The following KDM4A variants were observed in gnomAD, a reference collection of about 807,000 sequenced individuals.
KDM4A encodes lysine-specific demethylase 4A.
In KDM4A, 23 loss-of-function variants were observed where a neutral mutation model predicts 127.1. That is an observed-to-expected ratio of 0.18 (90% confidence interval 0.13 to 0.26). KDM4A has a LOEUF of 0.26. KDM4A is among the 10% of genes least tolerant of loss of function. The pLI is 1.00. For missense variants in KDM4A, 890 were observed against 1,329.1 expected (o/e 0.67, Z 5.14); for synonymous variants, 443 against 466.5 (o/e 0.95, Z 0.65).
Position 43,671,600 on chromosome 1 carries a change from G to C in KDM4A, c.1459G>C (p.Asp487His), listed in dbSNP as rs1660619257. 1 of 1,612,732 alleles carries C rather than the reference G, an allele frequency of 6.2e-7. No individual in the cohort carries two copies. The highest frequency in any genetic ancestry group is 8.5e-7 in the Non-Finnish European group (1 of 1,179,488). ...GGAAGAACAAGCAGCAGCTGCCTTG[G>C]ATCTTTCTGTGAATCCTGCGTCTGT... ...EEEEQAAAAL[D>H]LSVNPASVGG... Residue 487 changes from aspartate (D) to histidine (H), a missense_variant, in exon 11 of 22, where the codon GAT becomes CAT. Coordinates refer to ENST00000372396, the MANE Select transcript of KDM4A (RefSeq NM_014663.3).
In KDM4A at chr1:43,694,403, C is replaced by T. The variant is rs1251310412; in HGVS notation, c.2484+301C>T. The stretch of plus-strand genomic sequence containing the variant: ...TGGTGGTGCGCACCTATAATCCCAG[C>T]TCCTCGGGAATCTGAGGCAGGAGAA... On this transcript the variant is annotated intron_variant, in intron 17 of 21. Coordinates refer to ENST00000372396, the MANE Select transcript of KDM4A (RefSeq NM_014663.3). This position sits in a 1 kb window ranked among gnomAD's most constrained non-coding sequence, Gnocchi z 5.2. Among the ~76,000 whole-genome samples, 1 of 152,002 alleles carries T rather than the reference C, an allele frequency of 6.6e-6. No individual in the cohort carries two copies. The highest frequency in any genetic ancestry group is 2.4e-5 in the African/African-American group (1 of 41,374).
At chr1:43,654,826 TCTTA>T (rs1210597805) in intron 2 of KDM4A, among the ~76,000 whole-genome samples, 5 of 151,238 alleles carry the variant, frequency 3.3e-5, no homozygotes, top group Admixed American at 1.3e-4. Context: ...AGCAGATCTA[TCTTA>T]CTTAACTATT....
intron 1 of KDM4A, among the ~76,000 whole-genome samples, chr1:43,651,565 C>T (rs967153964): frequency 1.1e-4 from 17 of 152,170 alleles, no homozygotes; most frequent in African/African-American, 4.1e-4. Context: ...ATTGGAGGCG[C>T]TTTTCTCCTT....
intron 11 of KDM4A, among the ~76,000 whole-genome samples, chr1:43,682,025 G>C (rs1009382034): frequency 6.6e-6 from 1 of 152,200 alleles, no homozygotes; most frequent in Non-Finnish European, 1.5e-5. Context: ...CTGGAGTGCA[G>C]TGGTGCAGTC....
intron 4 of KDM4A, among the ~76,000 whole-genome samples, chr1:43,661,772 C>G (rs925003825): frequency 4.6e-5 from 7 of 151,836 alleles, no homozygotes; most frequent in African/African-American, 1.7e-4. Context: ...TAATACAGGA[C>G]CTAGTTATGG....
At chr1:43,673,026 C>T (rs747337747) in intron 11 of KDM4A, among the ~76,000 whole-genome samples, 5 of 152,140 alleles carry the variant, frequency 3.3e-5, no homozygotes, top group Non-Finnish European at 5.9e-5. Context: ...ATTCCCAAAG[C>T]TATAAACACG....
Position 43,693,802 on chromosome 1 carries a change from TG to T in KDM4A, c.2376-187del, listed in dbSNP as rs1481421355. On this transcript the variant is annotated intron_variant, in intron 16 of 21. Transcript: ENST00000372396. The surrounding 1 kb of genome is among the most constrained non-coding windows in gnomAD (Gnocchi z 4.2). ...AGTGGGCAGTGGCCTAGGTGGGCAGTGGGGGTGGCACTGCTTCCACATACTC... is the reference window on the plus strand; with the variant it reads ...AGTGGGCAGTGGCCTAGGTGGGCAGTGGGGTGGCACTGCTTCCACATACTC... Among the ~76,000 whole-genome samples, 2 of 152,148 alleles carry T rather than the reference TG, an allele frequency of 1.3e-5. No individual in the cohort carries two copies. The highest frequency in any genetic ancestry group is 4.8e-5 in the African/African-American group (2 of 41,436).
intron 4 of KDM4A, among the ~76,000 whole-genome samples, chr1:43,661,058 T>C (rs1660364043): frequency 1.3e-5 from 2 of 151,600 alleles, no homozygotes; most frequent in Non-Finnish European, 2.9e-5. Context: ...TACCGCAACC[T>C]CCGCCTCCCG....
At chr1:43,654,220 A>C (rs1338314946) in intron 2 of KDM4A, among the ~76,000 whole-genome samples, 3 of 152,176 alleles carry the variant, frequency 2.0e-5, no homozygotes, top group Non-Finnish European at 1.5e-5. Context: ...ATTAGATTTA[A>C]AGTTACCAAA....
chr1:43,667,053 A>G lies in KDM4A; in HGVS notation c.877A>G (p.Thr293Ala). Reference protein sequence around the residue: ...FNCAESTNFATRRWIEYGKQA... With the variant: ...FNCAESTNFAARRWIEYGKQA... ...CTGTGCGGAGTCTACCAATTTTGCT[A>G]CCCGTCGGTGGATTGAGTACGGCAA... is the stretch of plus-strand genomic sequence containing the variant. Residue 293 changes from threonine (T) to alanine (A), a missense_variant, in exon 8 of 22, where the codon ACC becomes GCC. Around this residue, in one of 7 missense-constraint regions of KDM4A, gnomAD observed 141 missense variants for 273.5 expected, o/e 0.52. Coordinates refer to ENST00000372396, the MANE Select transcript of KDM4A (RefSeq NM_014663.3). 6.2e-7 allele frequency: 1 copy of G among 1,614,138 alleles called. No individual in the cohort carries two copies. Among genetic ancestry groups the G allele is most frequent in the Non-Finnish European group, 8.5e-7 (1 of 1,180,034 alleles).
intron 11 of KDM4A, among the ~76,000 whole-genome samples, chr1:43,681,875 G>A (rs1365945461): frequency 6.6e-6 from 1 of 151,824 alleles, no homozygotes; most frequent in Non-Finnish European, 1.5e-5. Context: ...ATATAGGTTG[G>A]GGGTACATGC....
chr1:43,690,862 T>C lies in KDM4A; in HGVS notation c.2055T>C (p.Phe685=). The change falls in exon 14 of 22, where the codon TTT becomes TTC. Residue 685 remains phenylalanine, a synonymous_variant. Transcript: ENST00000372396. ...QTYHQVEFGG[F]NQNCGNASDL... ...CCCCTTAGGTTGAATTTGGAGGCTTTAATCAGAACTGTGGAAATGCTTCAG... is the reference window on the plus strand; with the variant it reads ...CCCCTTAGGTTGAATTTGGAGGCTTCAATCAGAACTGTGGAAATGCTTCAG... 6.2e-7 allele frequency: 1 copy of C among 1,614,188 alleles called. No homozygotes were observed. The highest frequency in any genetic ancestry group is 8.5e-7 in the Non-Finnish European group (1 of 1,180,024).
chr1:43,698,193 C>G (rs1661291114), intron 19 of KDM4A, among the ~76,000 whole-genome samples, 180 bp downstream of exon 19: 1 of 152,186 alleles, frequency 6.6e-6, no homozygotes, highest in Non-Finnish European at 1.5e-5. Context: ...CTGCGTGCTG[C>G]TAGGGTACCC....
intron 1 of KDM4A, 41 bp from the exon 2 acceptor site, chr1:43,653,096 T>G: frequency 9.2e-7 from 1 of 1,090,942 alleles, no homozygotes; most frequent in Non-Finnish European, 1.3e-6. Flanking sequence ...CACTTAATTT[T>G]AATTTTTATA....
intron 1 of KDM4A, among the ~76,000 whole-genome samples, chr1:43,652,032 C>CT (rs1290717030): frequency 6.6e-6 from 1 of 152,190 alleles, no homozygotes; most frequent in Admixed American, 6.5e-5. Context: ...GCTTTTAAAT[C>CT]ATGTTACTAA....
At chr1:43,665,671 C>CTGA in intron 5 of KDM4A, 25 bp from the exon 6 acceptor site, 1 of 1,613,422 alleles carries the variant, frequency 6.2e-7, no homozygotes, top group Non-Finnish European at 8.5e-7. Context: ...TCCACCCAGC[C>CTGA]TCTGATGCTC....
chr1:43,660,483 G>A (rs141907154), intron 4 of KDM4A, 71 bp downstream of exon 4: 504 of 1,527,858 alleles, frequency 3.3e-4, no homozygotes, highest in African/African-American at 6.6e-4. Flanking sequence ...GGCCCGGCAC[G>A]TAGTAGGCAC....
rs1282771296 is a variant in KDM4A, at chr1:43,672,008, T to C, written c.1734+133T>C. ...GCAGGAGGGCAGGAGAGACCCTCAG[T>C]CAGTGCCTCTAGCCAGCAGTGGTTG... On this transcript the variant is annotated intron_variant, in intron 11 of 21. Coordinates refer to ENST00000372396, the MANE Select transcript of KDM4A (RefSeq NM_014663.3). The C allele has an allele frequency of 1.4e-5, 14 of 1,008,660 alleles. No homozygotes were observed. The South Asian group carries it at 3.5e-4, about 25-fold the overall frequency. The allele number at this position is 1,008,660 out of a possible 1,614,324, so 62.5% of individuals were successfully genotyped here. A position where few individuals can be genotyped will look rare whatever the true frequency, so the allele number is the denominator to read the frequency against.
intron 3 of KDM4A, among the ~76,000 whole-genome samples, chr1:43,659,740 T>C (rs1315285912): frequency 6.6e-6 from 1 of 152,284 alleles, no homozygotes; most frequent in Non-Finnish European, 1.5e-5. Context: ...AGAGCTATTT[T>C]ATATTTTTAC....
Sources: gnomAD v4.1 joint callset for allele counts (sites outside exome capture counted in the v4.1 genomes callset) on GRCh38, gnomAD v4.1.1 for gene constraint, gnomAD v4.1.1 regional missense constraint, Gnocchi (gnomAD v3.1) non-coding constraint, MANE v1.5 for transcripts, NCBI Gene and HGNC (gene_info 2026-07-23, HGNC 2026-07-21) for gene names.